Variants in POC1A observed in about 807,000 individuals in gnomAD.
POC1A encodes the protein POC1 centriolar protein homolog A.
In POC1A, 34 loss-of-function variants were observed where a neutral mutation model predicts 47.8. The ratio of observed to expected loss-of-function variants is 0.71; its 90% CI spans 0.54 to 0.95. The LOEUF (loss-of-function observed/expected upper bound fraction) is 0.95, where lower values mean the gene tolerates loss of function less well. POC1A is among the 40% of genes least tolerant of loss of function. The probability of loss-of-function intolerance (pLI) is 0.00; values close to 1 mark genes in which losing one functional copy is unlikely to be tolerated. For missense variants in POC1A, 466 were observed against 528.3 expected (o/e 0.88, Z 1.16); for synonymous variants, 177 against 207.6 (o/e 0.85, Z 1.27).
intron 6 of POC1A, among the ~76,000 whole-genome samples, chr3:52,139,186 C>A (rs1016810034): frequency 6.6e-6 from 1 of 152,160 alleles, no homozygotes; most frequent in Non-Finnish European, 1.5e-5. Context: ...TACCATAGCA[C>A]CTATGTGTAA....
intron 10 of POC1A, among the ~76,000 whole-genome samples, chr3:52,092,862 T>G (rs898008709): frequency 1.3e-5 from 2 of 152,232 alleles, no homozygotes; most frequent in African/African-American, 4.8e-5. Flanking sequence ...GCAGTTTGGT[T>G]TCCTCTTCAT....
chr3:52,085,188 C>T (rs1702418584), intron 10 of POC1A, among the ~76,000 whole-genome samples: 1 of 152,160 alleles, frequency 6.6e-6, no homozygotes, highest in South Asian at 2.1e-4. Flanking sequence ...CACATCAGGG[C>T]TCTGCCCTCG....
chr3:52,078,443 A>G (rs1702183135), intron 10 of POC1A, among the ~76,000 whole-genome samples: 1 of 151,510 alleles, frequency 6.6e-6, no homozygotes, highest in African/African-American at 2.4e-5. Context: ...TTAATAAAGC[A>G]TAGGACCTCA....
chr3:52,086,523 G>A (rs1187966654), intron 10 of POC1A, among the ~76,000 whole-genome samples: 2 of 152,230 alleles, frequency 1.3e-5, no homozygotes, highest in East Asian at 1.9e-4. Flanking sequence ...CTAGCTCTGC[G>A]TTGTATCCTG....
At chr3:52,150,072 C>G in intron 2 of POC1A, 85 bp from the exon 3 acceptor site, 1 of 1,134,838 alleles carries the variant, frequency 8.8e-7, no homozygotes. Context: ...GGGGGAGCAA[C>G]TGGCCCAGCT....
intron 9 of POC1A, among the ~76,000 whole-genome samples, chr3:52,102,073 G>A (rs1262449957): frequency 2.0e-5 from 3 of 152,084 alleles, no homozygotes; most frequent in East Asian, 1.9e-4. Flanking sequence ...GTTTTCAGAA[G>A]TTTGAATATA....
In POC1A at chr3:52,149,803, G is replaced by C; in HGVS notation, c.275+13C>G. The C allele has an allele frequency of 6.2e-7, 1 of 1,610,478 alleles. No homozygotes were observed. Among genetic ancestry groups the C allele is most frequent in the Non-Finnish European group, 8.5e-7 (1 of 1,178,122 alleles). On this transcript the variant is annotated intron_variant, in intron 3 of 10. Transcript: ENST00000296484. The stretch of plus-strand genomic sequence containing the variant: ...CCAGACTCCAACAAGCCTCCTCAAA[G>C]TGTACGACTCACACATTGGGTACCC...
At chr3:52,092,398 CCA>C (rs1468712265) in intron 10 of POC1A, among the ~76,000 whole-genome samples, 1 of 152,164 alleles carries the variant, frequency 6.6e-6, no homozygotes, top group Non-Finnish European at 1.5e-5. Flanking sequence ...ATGCTCTGGC[CCA>C]CAGTGGTTGA....
At chr3:52,123,988 T>C (rs1703899074) in intron 8 of POC1A, among the ~76,000 whole-genome samples, 1 of 152,206 alleles carries the variant, frequency 6.6e-6, no homozygotes, top group South Asian at 2.1e-4. Context: ...TGTGGGAAGA[T>C]GCCTGCTGTC....
intron 8 of POC1A, among the ~76,000 whole-genome samples, chr3:52,123,430 A>G (rs1049019283): frequency 2.0e-5 from 3 of 148,944 alleles, no homozygotes; most frequent in Non-Finnish European, 3.0e-5. Flanking sequence ...AGGCCACAGA[A>G]AAACCACCGT....
intron 7 of POC1A, among the ~76,000 whole-genome samples, chr3:52,136,336 G>A (rs936635359): frequency 1.2e-4 from 19 of 152,186 alleles, no homozygotes; most frequent in South Asian, 1.0e-3. Context: ...ACCTTCACCT[G>A]CCCTCCAAGT....
chr3:52,101,388 G>A (rs1703000718), intron 9 of POC1A, among the ~76,000 whole-genome samples: 1 of 9,550 alleles, frequency 1.0e-4, no homozygotes. Context: ...ACACAAAAAG[G>A]CAGGGAGAAA....
At chr3:52,095,644 C>A (rs1702790177) in intron 10 of POC1A, among the ~76,000 whole-genome samples, 1 of 152,128 alleles carries the variant, frequency 6.6e-6, no homozygotes, top group Admixed American at 6.5e-5. Flanking sequence ...CCCAGCCTGG[C>A]CTCAAGAGCC....
chr3:52,150,125 C>A, intron 2 of POC1A, 138 bp from the exon 3 acceptor site: 1 of 681,692 alleles, frequency 1.5e-6, no homozygotes, highest in East Asian at 2.7e-5. Flanking sequence ...AGAAGTCTCC[C>A]ATGGAGCAGA....
At chr3:52,154,265 C>T in intron 1 of POC1A, 90 bp downstream of exon 1, 1 of 1,369,716 alleles carries the variant, frequency 7.3e-7, no homozygotes, top group Non-Finnish European at 1.0e-6. Flanking sequence ...GCGCCCCGCC[C>T]GCCCCTCGCA....
chr3:52,118,185 G>T (rs1703643046), intron 9 of POC1A, among the ~76,000 whole-genome samples: 1 of 152,124 alleles, frequency 6.6e-6, no homozygotes, highest in Admixed American at 6.5e-5. Flanking sequence ...CAGCCTTGTA[G>T]CATGTCACAA....
intron 10 of POC1A, among the ~76,000 whole-genome samples, chr3:52,088,701 G>A (rs541580917): frequency 6.6e-6 from 1 of 151,988 alleles, no homozygotes; most frequent in South Asian, 2.1e-4. Context: ...GCCTTTCCTT[G>A]GAGGGCCCAG....
At chr3:52,140,362 C>T (rs904631910) in intron 6 of POC1A, among the ~76,000 whole-genome samples, 10 of 152,240 alleles carry the variant, frequency 6.6e-5, no homozygotes, top group Admixed American at 3.9e-4. Context: ...ATTCAGAGAC[C>T]CCCCCACCAG....
intron 6 of POC1A, among the ~76,000 whole-genome samples, chr3:52,140,528 C>T (rs1698157807): frequency 6.6e-6 from 1 of 152,204 alleles, no homozygotes; most frequent in South Asian, 2.1e-4. Flanking sequence ...GTATGGATGC[C>T]ACACCAGGGG....
Sources: allele counts gnomAD v4.1 joint callset (sites outside exome capture counted in the v4.1 genomes callset), GRCh38; gene constraint gnomAD v4.1.1; transcripts MANE v1.5; gene names NCBI Gene and HGNC (gene_info 2026-07-23, HGNC 2026-07-21).